Variants in COX7B2 observed in about 807,000 individuals in gnomAD.
The protein encoded by COX7B2 is cytochrome c oxidase subunit 7B2, mitochondrial.
For missense variants in COX7B2, 109 were observed against 95.9 expected (o/e 1.14, Z -0.57); for synonymous variants, 37 against 32.1 (o/e 1.15, Z -0.51).
chr4:46,846,712 G>A (rs984140558), intron 1 of COX7B2, among the ~76,000 whole-genome samples: 14 of 152,062 alleles, frequency 9.2e-5, no homozygotes, highest in African/African-American at 3.4e-4. Flanking sequence ...GCCAGATGGT[G>A]TAGCTTTTAC....
Position 46,787,891 on chromosome 4 carries a change from A to G in COX7B2, c.-49-52650T>C, listed in dbSNP as rs1486130578. Among the ~76,000 whole-genome samples the G allele has an allele frequency of 2.0e-5, 3 of 152,044 alleles. No homozygotes were observed. The East Asian group carries it at 5.8e-4, about 29-fold the overall frequency. On this transcript the variant is annotated intron_variant, in intron 2 of 2. Coordinates refer to ENST00000355591, the MANE Select transcript of COX7B2 (RefSeq NM_130902.3). ...TTATTTATCTAATTGTTGACCACCC[A>G]TGTCATCTCACCATATGAATTATGT... is the stretch of plus-strand genomic sequence containing the variant.
intron 2 of COX7B2, among the ~76,000 whole-genome samples, chr4:46,817,503 G>A (rs1719615488): frequency 1.3e-5 from 2 of 152,072 alleles, no homozygotes; most frequent in Admixed American, 1.3e-4. Context: ...CATTTTTACT[G>A]TACTCTTTTC....
intron 1 of COX7B2, among the ~76,000 whole-genome samples, chr4:46,857,421 C>A (rs758772235): frequency 4.6e-5 from 7 of 152,158 alleles, no homozygotes; most frequent in Non-Finnish European, 8.8e-5. Context: ...TCAGTTTGCA[C>A]TGGAGTCATG....
intron 1 of COX7B2, among the ~76,000 whole-genome samples, chr4:46,893,268 A>T (rs1403246578): frequency 6.6e-6 from 1 of 152,174 alleles, no homozygotes; most frequent in African/African-American, 2.4e-5. Flanking sequence ...TTTCCAACTT[A>T]CTTGGCTATA....
intron 1 of COX7B2, among the ~76,000 whole-genome samples, chr4:46,908,013 C>T (rs1207473299): frequency 1.3e-5 from 2 of 152,012 alleles, no homozygotes; most frequent in East Asian, 3.9e-4. Context: ...GCGACCACGC[C>T]TGGCTAATTT....
rs376610110 is a variant in COX7B2, at chr4:46,827,443, G to A, written c.-50+17517C>T. On this transcript the variant is annotated intron_variant, in intron 2 of 2. Transcript: ENST00000355591. ...GTATCACAAACAGCGGAGGCCAGAA[G>A]ACGTCAGAATGGCATGTCCAAAGTA... Among the ~76,000 whole-genome samples, 41 of 152,224 alleles carry A rather than the reference G, an allele frequency of 2.7e-4. 1 individual carries two copies. In the East Asian group the frequency reaches 7.1e-3, roughly 27 times the overall value.
intron 2 of COX7B2, among the ~76,000 whole-genome samples, chr4:46,755,154 G>A (rs965264524): frequency 6.6e-6 from 1 of 151,828 alleles, no homozygotes; most frequent in African/African-American, 2.4e-5. Flanking sequence ...AATAAATGCT[G>A]TACATCACAT....
At chr4:46,790,752 A>G (rs1717998554) in intron 2 of COX7B2, among the ~76,000 whole-genome samples, 1 of 152,156 alleles carries the variant, frequency 6.6e-6, no homozygotes. Context: ...GATGAGGTAA[A>G]ATACTACTGG....
chr4:46,854,868 T>C (rs1205899003), intron 1 of COX7B2, among the ~76,000 whole-genome samples: 2 of 152,184 alleles, frequency 1.3e-5, no homozygotes, highest in African/African-American at 4.8e-5. Flanking sequence ...TATGCTATTG[T>C]AACATTTTAA....
intron 2 of COX7B2, among the ~76,000 whole-genome samples, chr4:46,782,317 A>G (rs932015293): frequency 5.9e-5 from 9 of 152,094 alleles, no homozygotes; most frequent in African/African-American, 7.2e-5. Flanking sequence ...AAACGCACCA[A>G]TCAGCACTCT....
chr4:46,839,457 TCCCCTAGA>T (rs1715774858), intron 2 of COX7B2, among the ~76,000 whole-genome samples: 1 of 151,882 alleles, frequency 6.6e-6, no homozygotes, highest in Non-Finnish European at 1.5e-5. Context: ...CAGCTCAAAG[TCCCCTAGA>T]TTGAGCTCAT....
At chr4:46,768,937 A>G (rs1716709108) in intron 2 of COX7B2, among the ~76,000 whole-genome samples, 1 of 152,050 alleles carries the variant, frequency 6.6e-6, no homozygotes, top group South Asian at 2.1e-4. Context: ...TAACTACACA[A>G]CAATTTGGAT....
intron 1 of COX7B2, among the ~76,000 whole-genome samples, chr4:46,880,414 T>C (rs1167543756): frequency 1.7e-4 from 3 of 17,850 alleles, no homozygotes. Context: ...GTCCTGGGCT[T>C]TTTTTTTTTT....
At chr4:46,809,318 C>T (rs1045551060) in intron 2 of COX7B2, among the ~76,000 whole-genome samples, 1 of 151,278 alleles carries the variant, frequency 6.6e-6, no homozygotes, top group African/African-American at 2.4e-5. Flanking sequence ...TATTGATTTC[C>T]TTCTTCTAGT....
At chr4:46,784,187 T>C (rs979032260) in intron 2 of COX7B2, among the ~76,000 whole-genome samples, 3 of 152,128 alleles carry the variant, frequency 2.0e-5, no homozygotes, top group Non-Finnish European at 4.4e-5. Context: ...AAGGAGAGGG[T>C]ATTTGTATCA....
chr4:46,748,609 A>G (rs1363511986), intron 2 of COX7B2, among the ~76,000 whole-genome samples: 1 of 152,182 alleles, frequency 6.6e-6, no homozygotes, highest in Non-Finnish European at 1.5e-5. Flanking sequence ...CCAAAGGTCA[A>G]TGGACTCTCT....
intron 2 of COX7B2, among the ~76,000 whole-genome samples, chr4:46,739,963 T>C (rs1714605670): frequency 1.3e-5 from 2 of 152,032 alleles, no homozygotes; most frequent in Non-Finnish European, 2.9e-5. Context: ...TGCTGTTGAG[T>C]TAACAATGAG....
At chr4:46,794,815 T>A (rs900200758) in intron 2 of COX7B2, among the ~76,000 whole-genome samples, 1 of 152,146 alleles carries the variant, frequency 6.6e-6, no homozygotes, top group Non-Finnish European at 1.5e-5. Context: ...GTAAAAAACA[T>A]AGAATAGAAA....
At chr4:46,887,006 A>T (rs1719120921) in intron 1 of COX7B2, among the ~76,000 whole-genome samples, 1 of 152,208 alleles carries the variant, frequency 6.6e-6, no homozygotes, top group Non-Finnish European at 1.5e-5. Context: ...AGTGAAATAT[A>T]AAGGCCTTTT....
Sources: gnomAD v4.1 joint callset for allele counts (sites outside exome capture counted in the v4.1 genomes callset) on GRCh38, gnomAD v4.1.1 for gene constraint, MANE v1.5 for transcripts, NCBI Gene and HGNC (gene_info 2026-07-23, HGNC 2026-07-21) for gene names.